The following DEK variants were observed in gnomAD, a reference collection of about 807,000 sequenced individuals.
DEK encodes DEK proto-oncogene.
DEK carries 28 observed loss-of-function variants against 46.8 expected under a neutral mutation model. That is an observed-to-expected ratio of 0.60 (90% CI 0.44 to 0.82). The LOEUF (loss-of-function observed/expected upper bound fraction) is 0.82. Ranked by LOEUF, DEK falls within the 40% of genes least tolerant of loss-of-function variation. The probability of loss-of-function intolerance (pLI) is 0.00; values close to 1 mark genes in which losing one functional copy is unlikely to be tolerated. For missense variants in DEK, 416 were observed against 430.6 expected (o/e 0.97, Z 0.30); for synonymous variants, 160 against 144.5 (o/e 1.11, Z -0.77).
Position 18,226,164 on chromosome 6 carries a change from A to G in DEK, c.1116+10T>C. On this transcript the variant is annotated intron_variant, in intron 10 of 10. Transcript: ENST00000652689. ...TTCTAAAGTCAAACTTGAAAGACTG[A>G]AATATTTACCTCTTTTACAGTTGTT... is the stretch of plus-strand genomic sequence containing the variant. 1 of 1,306,364 alleles carries G rather than the reference A, an allele frequency of 7.7e-7. No individual in the cohort carries two copies. The highest frequency in any genetic ancestry group is 2.8e-5 in the East Asian group (1 of 35,214). The allele number at this position is 1,306,364 out of a possible 1,614,324, so 80.9% of individuals were successfully genotyped here.
intron 7 of DEK, among the ~76,000 whole-genome samples, chr6:18,240,929 C>T (rs549106654): frequency 1.3e-5 from 2 of 152,136 alleles, no homozygotes; most frequent in Non-Finnish European, 2.9e-5. Context: ...ATAGTAGATA[C>T]GACATGGCCC....
chr6:18,262,851 T>G (rs1279394726), intron 2 of DEK, among the ~76,000 whole-genome samples: 1 of 152,206 alleles, frequency 6.6e-6, no homozygotes, highest in Non-Finnish European at 1.5e-5. Flanking sequence ...ATGCCCTTCT[T>G]AGGGCACATA....
At chr6:18,262,655 C>A (rs917998131) in intron 2 of DEK, among the ~76,000 whole-genome samples, 8 of 152,120 alleles carry the variant, frequency 5.3e-5, no homozygotes, top group Non-Finnish European at 1.0e-4. Flanking sequence ...GGCATCTCAA[C>A]CCTGCCCCCA....
chr6:18,249,039 G>A (rs1412743760), intron 7 of DEK, among the ~76,000 whole-genome samples: 2 of 152,052 alleles, frequency 1.3e-5, no homozygotes, highest in Non-Finnish European at 2.9e-5. Flanking sequence ...TGACTGAAGA[G>A]GTTAACCCTC....
chr6:18,238,293 G>A (rs971269662), intron 7 of DEK, among the ~76,000 whole-genome samples: 19 of 152,156 alleles, frequency 1.2e-4, no homozygotes, highest in African/African-American at 4.3e-4. Context: ...CTTGTCCACA[G>A]TCACATTAAT....
intron 9 of DEK, among the ~76,000 whole-genome samples, chr6:18,230,549 G>A (rs1484683959): frequency 9.2e-5 from 14 of 151,638 alleles, no homozygotes; most frequent in African/African-American, 3.4e-4. Context: ...CCAAGCAAAT[G>A]GAAAACAAAA....
At chr6:18,234,713 G>A (rs934346278) in intron 9 of DEK, among the ~76,000 whole-genome samples, 1 of 151,996 alleles carries the variant, frequency 6.6e-6, no homozygotes, top group Non-Finnish European at 1.5e-5. Context: ...TGCCTCCACA[G>A]GACCACCCTT....
At chr6:18,242,097 C>G (rs983695367) in intron 7 of DEK, among the ~76,000 whole-genome samples, 2 of 152,156 alleles carry the variant, frequency 1.3e-5, no homozygotes, top group African/African-American at 4.8e-5. Context: ...AAACAAGAAG[C>G]TTTAGAAAGA....
chr6:18,242,407 T>C (rs1449088409), intron 7 of DEK, among the ~76,000 whole-genome samples: 1 of 152,214 alleles, frequency 6.6e-6, no homozygotes, highest in Non-Finnish European at 1.5e-5. Context: ...TATCTATGGT[T>C]TCTCTTTCTG....
chr6:18,247,037 CT>C (rs1269867771), intron 7 of DEK, among the ~76,000 whole-genome samples: 7 of 152,170 alleles, frequency 4.6e-5, no homozygotes, highest in African/African-American at 1.7e-4. Context: ...AAAAGAGGTC[CT>C]TCCATAGTAA....
At position 18,224,970 on chromosome 6, in the gene DEK, A is replaced by G. The variant is rs183912065; in HGVS notation, c.*749T>C. ...GGCAAAGCAGGGTAACTGTTCCTTC[A>G]GTGTTGCCATCACTGAATTGACTTT... is the stretch of plus-strand genomic sequence containing the variant. On this transcript the variant is annotated 3_prime_UTR_variant, in exon 11 of 11. Transcript: ENST00000652689. 4.6e-6 allele frequency: 1 copy of G among 217,292 alleles called. No homozygotes were observed. The highest frequency in any genetic ancestry group is 2.2e-5 in the African/African-American group (1 of 44,606). The allele number at this position is 217,292 out of a possible 1,614,324, so 13.5% of individuals were successfully genotyped here.
At chr6:18,247,735 G>T (rs372245116) in intron 7 of DEK, among the ~76,000 whole-genome samples, 8 of 151,738 alleles carry the variant, frequency 5.3e-5, no homozygotes, top group Non-Finnish European at 7.4e-5. Context: ...ACAATGGTGC[G>T]ATCTCAGCTC....
chr6:18,244,623 A>T, intron 7 of DEK: 4 of 1,228,022 alleles, frequency 3.3e-6, no homozygotes, highest in Non-Finnish European at 3.2e-6. Context: ...CAGATGAACA[A>T]AATAAAAATT....
At chr6:18,261,344 G>A (rs978680485) in intron 2 of DEK, among the ~76,000 whole-genome samples, 6 of 152,314 alleles carry the variant, frequency 3.9e-5, no homozygotes, top group East Asian at 1.9e-4. Context: ...AGGCTGAGAC[G>A]GGCGGATCAC....
At chr6:18,232,591 G>A (rs532309400) in intron 9 of DEK, among the ~76,000 whole-genome samples, 25 of 152,166 alleles carry the variant, frequency 1.6e-4, no homozygotes, top group African/African-American at 6.0e-4. Flanking sequence ...GCCAAATAAT[G>A]AGTGAATTCC....
chr6:18,243,823 G>C (rs1398224465), intron 7 of DEK, among the ~76,000 whole-genome samples: 1 of 152,152 alleles, frequency 6.6e-6, no homozygotes, highest in Non-Finnish European at 1.5e-5. Context: ...GTGGGCAACA[G>C]AGCAAGAACC....
chr6:18,258,079 ATC>A lies in DEK; in HGVS notation c.248-19_248-18del. 6.7e-7 allele frequency: 1 copy of A among 1,496,978 alleles called. No homozygotes were observed. Among genetic ancestry groups the A allele is most frequent in the South Asian group, 1.2e-5 (1 of 83,172 alleles). 92.7% of individuals were successfully genotyped at this position (1,496,978 alleles called of 1,614,324 possible). The stretch of plus-strand genomic sequence containing the variant: ...GCCCCTTTCCTGGGGAAAAAAAAAA[ATC>A]ACAATTAAATACCTATGGCTTACTA... On this transcript the variant is annotated intron_variant, in intron 3 of 10. Coordinates refer to ENST00000652689, the MANE Select transcript of DEK (RefSeq NM_003472.4).
At chr6:18,229,445 G>A (rs929331666) in intron 9 of DEK, among the ~76,000 whole-genome samples, 2 of 152,164 alleles carry the variant, frequency 1.3e-5, no homozygotes, top group African/African-American at 4.8e-5. Flanking sequence ...AAAGGAGGAT[G>A]TTCGAACCCA....
At position 18,259,429 on chromosome 6, in the gene DEK, A is replaced by AT. The variant is rs1255606651; in HGVS notation, c.146-1025_146-1024insA. On this transcript the variant is annotated intron_variant, in intron 2 of 10. Transcript: ENST00000652689. ...AAAAAAAAAAAAAAAAAAAAAAAAAAAAAATCTAGAAAACAGGTAGCATAT... is the reference window on the plus strand; with the variant it reads ...AAAAAAAAAAAAAAAAAAAAAAAAAATAAAATCTAGAAAACAGGTAGCATAT... 9.9e-5 allele frequency among the ~76,000 whole-genome samples: 14 copies of AT among 141,676 alleles called. 2 individuals are homozygous for AT. Among genetic ancestry groups the AT allele is most frequent in the Non-Finnish European group, 2.1e-4 (14 of 65,458 alleles). 92.9% of individuals were successfully genotyped at this position (141,676 alleles called of 152,430 possible). A position where few individuals can be genotyped will look rare whatever the true frequency, so the allele number is the denominator to read the frequency against.
Sources: gnomAD v4.1 joint callset for allele counts (sites outside exome capture counted in the v4.1 genomes callset) on GRCh38, gnomAD v4.1.1 for gene constraint, MANE v1.5 for transcripts, NCBI Gene and HGNC (gene_info 2026-07-23, HGNC 2026-07-21) for gene names.